Variants in STPG2 observed in about 807,000 individuals in gnomAD.
STPG2 encodes sperm-tail PG-rich repeat-containing protein 2.
Under a neutral mutation model 54.2 loss-of-function variants are expected in STPG2, and 56 were observed. That is an observed-to-expected ratio of 1.03 (90% CI 0.83 to 1.29). STPG2 has a LOEUF of 1.29. Ranked by LOEUF, STPG2 falls within the 50% of genes most tolerant of loss-of-function variation. STPG2 has a pLI of 0.00. For synonymous variants in STPG2, 200 were observed against 181.8 expected, an observed-to-expected ratio of 1.10 and a Z score of -0.81; for missense variants, 596 against 544.9, an observed-to-expected ratio of 1.09 and a Z score of -0.93.
intron 8 of STPG2, among the ~76,000 whole-genome samples, chr4:97,894,747 G>C (rs1730897123): frequency 6.6e-6 from 1 of 151,932 alleles, no homozygotes; most frequent in African/African-American, 2.4e-5. Flanking sequence ...AGTTCAGGAA[G>C]CTTGCACAAA....
intron 5 of STPG2, among the ~76,000 whole-genome samples, chr4:98,018,845 G>T (rs1167086838): frequency 2.6e-5 from 4 of 151,488 alleles, no homozygotes; most frequent in Non-Finnish European, 4.4e-5. Flanking sequence ...CATATCCTTT[G>T]CCCACTTTTT....
intron 10 of STPG2, among the ~76,000 whole-genome samples, chr4:97,575,241 A>G (rs1191131060): frequency 2.0e-5 from 3 of 152,152 alleles, no homozygotes; most frequent in Admixed American, 6.6e-5. Flanking sequence ...TTCTTCTGAA[A>G]CCATTCTGAA....
At chr4:97,899,223 T>C (rs1167696071) in intron 8 of STPG2, among the ~76,000 whole-genome samples, 4 of 151,916 alleles carry the variant, frequency 2.6e-5, no homozygotes, top group South Asian at 4.2e-4. Context: ...TTATTTACAA[T>C]TGCCACAAAA....
chr4:97,800,474 GC>G (rs973524792), intron 9 of STPG2, among the ~76,000 whole-genome samples: 1 of 152,198 alleles, frequency 6.6e-6, no homozygotes, highest in Non-Finnish European at 1.5e-5. Context: ...CTGGGTATCA[GC>G]AGTGGAGGCT....
chr4:97,989,417 A>G (rs1429111615), intron 5 of STPG2, among the ~76,000 whole-genome samples: 3 of 152,182 alleles, frequency 2.0e-5, no homozygotes, highest in Non-Finnish European at 4.4e-5. Context: ...TGAGGATAGT[A>G]TGAAACCCTA....
chr4:97,527,292 T>C (rs575036658), intron 4 of STPG2, among the ~76,000 whole-genome samples: 1 of 152,124 alleles, frequency 6.6e-6, no homozygotes, highest in Non-Finnish European at 1.5e-5. Flanking sequence ...GGATGATAGC[T>C]TCCAGCTTCA....
At chr4:98,033,754 C>T (rs1052892096) in intron 5 of STPG2, among the ~76,000 whole-genome samples, 10 of 152,200 alleles carry the variant, frequency 6.6e-5, no homozygotes, top group Admixed American at 1.3e-4. Context: ...TTATCCACCA[C>T]GATCAAGTCA....
intron 9 of STPG2, among the ~76,000 whole-genome samples, chr4:97,791,528 T>G (rs1364372812): frequency 6.6e-6 from 1 of 152,128 alleles, no homozygotes; most frequent in African/African-American, 2.4e-5. Flanking sequence ...CTGTGAAATA[T>G]AGTTTATATA....
chr4:97,956,765 G>A (rs1167453956), intron 7 of STPG2, among the ~76,000 whole-genome samples: 2 of 152,130 alleles, frequency 1.3e-5, no homozygotes, highest in African/African-American at 2.4e-5. Context: ...CTAGGAAAAG[G>A]GGGAGAATAA....
At chr4:97,823,957 G>T (rs1374041307) in intron 9 of STPG2, among the ~76,000 whole-genome samples, 1 of 152,116 alleles carries the variant, frequency 6.6e-6, no homozygotes, top group Non-Finnish European at 1.5e-5. Context: ...GGGATGAGAG[G>T]CCCCATTCAG....
intron 6 of STPG2, among the ~76,000 whole-genome samples, chr4:97,973,817 C>A (rs1734415988): frequency 6.6e-6 from 1 of 152,162 alleles, no homozygotes; most frequent in Non-Finnish European, 1.5e-5. Context: ...GATGTTCAGG[C>A]AGAAGTTTGC....
intron 10 of STPG2, among the ~76,000 whole-genome samples, chr4:97,580,567 T>TCA (rs970060668): frequency 1.8e-3 from 274 of 150,658 alleles, no homozygotes; most frequent in African/African-American, 3.4e-3. Context: ...TCTCTCCCTC[T>TCA]CACACACACA....
chr4:97,941,307 ATT>A (rs1268815400), intron 8 of STPG2, among the ~76,000 whole-genome samples: 3 of 152,184 alleles, frequency 2.0e-5, no homozygotes, highest in African/African-American at 7.2e-5. Context: ...GTATTTTTAT[ATT>A]TATCCTCCTT....
At chr4:97,806,324 C>T (rs1488744994) in intron 9 of STPG2, among the ~76,000 whole-genome samples, 1 of 152,004 alleles carries the variant, frequency 6.6e-6, no homozygotes, top group East Asian at 1.9e-4. Flanking sequence ...ACTGGGTATA[C>T]ATGGACATCG....
chr4:97,538,935 C>A (rs911301461), intron 4 of STPG2, among the ~76,000 whole-genome samples: 1 of 152,116 alleles, frequency 6.6e-6, no homozygotes, highest in Non-Finnish European at 1.5e-5. Context: ...TCATATCCAG[C>A]CAAACTAAGC....
At chr4:97,872,654 T>A (rs1730033708) in intron 8 of STPG2, among the ~76,000 whole-genome samples, 1 of 151,290 alleles carries the variant, frequency 6.6e-6, no homozygotes, top group South Asian at 2.1e-4. Context: ...TTAATCTGTA[T>A]AAAATGAATG....
At chr4:97,449,974 T>C (rs576139766) in intron 4 of STPG2, among the ~76,000 whole-genome samples, 1 of 152,124 alleles carries the variant, frequency 6.6e-6, no homozygotes, top group Non-Finnish European at 1.5e-5. Context: ...TTTGAAGATA[T>C]ATTGTAAAAA....
At chr4:97,545,585 G>A (rs1379518191) in intron 4 of STPG2, among the ~76,000 whole-genome samples, 1 of 152,078 alleles carries the variant, frequency 6.6e-6, no homozygotes, top group Non-Finnish European at 1.5e-5. Flanking sequence ...AAGCAAAGAG[G>A]TTAATTACCA....
At chr4:98,119,637 C>T (rs1477911951) in intron 3 of STPG2, among the ~76,000 whole-genome samples, 1 of 151,352 alleles carries the variant, frequency 6.6e-6, no homozygotes, top group Non-Finnish European at 1.5e-5. Context: ...GGTATATCAG[C>T]AGAATGTGCA....
Sources: gnomAD v4.1 joint callset for allele counts (sites outside exome capture counted in the v4.1 genomes callset) on GRCh38, gnomAD v4.1.1 for gene constraint, MANE v1.5 for transcripts, NCBI Gene and HGNC (gene_info 2026-07-23, HGNC 2026-07-21) for gene names.